The following DYNC2I2 variants were observed in gnomAD, a reference collection of about 807,000 sequenced individuals.
DYNC2I2 encodes the protein cytoplasmic dynein 2 intermediate chain 2.
Under a neutral mutation model 52.0 loss-of-function variants are expected in DYNC2I2, and 39 were observed. That is an observed-to-expected ratio of 0.75 (90% CI 0.58 to 0.98). The LOEUF (loss-of-function observed/expected upper bound fraction) is 0.98, where lower values mean the gene tolerates loss of function less well. DYNC2I2 is among the 50% of genes least tolerant of loss of function. DYNC2I2 has a pLI of 0.00. For synonymous variants in DYNC2I2, 359 were observed against 321.1 expected (o/e 1.12, Z -1.26); for missense variants, 743 against 728.4 (o/e 1.02, Z -0.23).
At chr9:128,669,339 T>G in the DYNC2I2 span, among the ~76,000 whole-genome samples, 4 of 152,058 alleles carry the variant, frequency 2.6e-5, no homozygotes, top group East Asian at 7.8e-4. Context: ...CACTCCAGCC[T>G]GGGCGACAGA....
chr9:128,655,616 G>GAAAA (rs1471051785), intron 1 of DYNC2I2, among the ~76,000 whole-genome samples: 1 of 110,436 alleles, frequency 9.1e-6, no homozygotes, highest in African/African-American at 3.5e-5. Flanking sequence ...TCAAAAAAAA[G>GAAAA]AAAAAAAAGA....
chr9:128,677,031 G>C, the DYNC2I2 span, among the ~76,000 whole-genome samples: 1 of 151,534 alleles, frequency 6.6e-6, no homozygotes. Context: ...TGTATTTTTA[G>C]TAGAGATGGG....
At chr9:128,650,526 CAT>C (rs57194999) in intron 1 of DYNC2I2, among the ~76,000 whole-genome samples, 4,600 of 41,328 alleles carry the variant, frequency 0.11, 1,539 homozygotes, top group African/African-American at 0.23. Context: ...GGCCAAAGAC[CAT>C]ATATATATAT....
At chr9:128,668,122 A>G in the DYNC2I2 span, among the ~76,000 whole-genome samples, 55 of 151,676 alleles carry the variant, frequency 3.6e-4, 1 homozygote, top group African/African-American at 9.5e-4. Context: ...CACTATGCCC[A>G]GCTAATTTTT....
chr9:128,677,648 A>T, the DYNC2I2 span, among the ~76,000 whole-genome samples: 1 of 151,870 alleles, frequency 6.6e-6, no homozygotes, highest in Non-Finnish European at 1.5e-5. Flanking sequence ...AAAAAAAAAA[A>T]ATACAAAAAT....
In DYNC2I2 at chr9:128,635,127, T is replaced by C. The variant is rs1415152422; in HGVS notation, c.946A>G (p.Met316Val). 2.5e-6 allele frequency: 4 copies of C among 1,613,138 alleles called. No individual in the cohort carries two copies. The highest frequency in any genetic ancestry group is 3.4e-6 in the Non-Finnish European group (4 of 1,179,858). ...LQLTEGFALV[M>V]QQLPRSTKLK... ...TTGGTGCTCCGTGGCAGCTGCTGCA[T>C]GACCAGGGCGAAGCCCTCTGTGAGC... is the stretch of plus-strand genomic sequence containing the variant. Residue 316 changes from methionine (M) to valine (V), a missense_variant, in exon 6 of 9, where the codon ATG becomes GTG. Met to Val is a conservative substitution (Grantham distance 21). Coordinates refer to ENST00000372715, the MANE Select transcript of DYNC2I2 (RefSeq NM_052844.4).
chr9:128,642,157 A>G (rs1481694573), intron 1 of DYNC2I2, among the ~76,000 whole-genome samples: 1 of 151,378 alleles, frequency 6.6e-6, no homozygotes, highest in Non-Finnish European at 1.5e-5. Flanking sequence ...CATAGTGGCG[A>G]GCATCTGTAG....
At chr9:128,639,285 C>T (rs188235443) in intron 2 of DYNC2I2, among the ~76,000 whole-genome samples, 2 of 152,150 alleles carry the variant, frequency 1.3e-5, no homozygotes, top group African/African-American at 2.4e-5. Context: ...GTAATCCCAG[C>T]TGCTCAGGAG....
Position 128,633,924 on chromosome 9 carries a change from CTTGATCAAAACTGTGGGTTTCT to C in DYNC2I2, c.1409_1430del (p.Gln470ArgfsTer31), listed in dbSNP as rs1860259522. 1 of 1,613,088 alleles carries C rather than the reference CTTGATCAAAACTGTGGGTTTCT, an allele frequency of 6.2e-7. No homozygotes were observed. The highest frequency in any genetic ancestry group is 1.3e-5 in the African/African-American group (1 of 74,924). On this transcript the variant is annotated frameshift_variant, in exon 9 of 9. Transcript: ENST00000372715. LOFTEE classifies it high-confidence loss of function. ...AGACAGGGCTTTCATCCTGGGTTTGCTTGATCAAAACTGTGGGTTTCTGGGAGCTTTTCTGGAGATCAAACAG... is the reference window on the plus strand; with the variant it reads ...AGACAGGGCTTTCATCCTGGGTTTGCGGGAGCTTTTCTGGAGATCAAACAG...
chr9:128,664,278 C>T, the DYNC2I2 span, among the ~76,000 whole-genome samples: 1 of 151,140 alleles, frequency 6.6e-6, no homozygotes, highest in South Asian at 2.1e-4. Context: ...CCCCGATGGT[C>T]ACAATGCCTC....
At chr9:128,667,840 C>A in the DYNC2I2 span, among the ~76,000 whole-genome samples, 1 of 143,246 alleles carries the variant, frequency 7.0e-6, no homozygotes, top group African/African-American at 2.7e-5. Flanking sequence ...TCAAGCGATT[C>A]TCCTGCCTCA....
the DYNC2I2 span, chr9:128,683,967 G>A: frequency 1.8e-5 from 28 of 1,557,012 alleles, no homozygotes; most frequent in East Asian, 1.5e-4. Context: ...CTCTGGGACC[G>A]GAGGAGACAT....
chr9:128,656,773 C>T lies in DYNC2I2; in HGVS notation c.-47G>A. The stretch of plus-strand genomic sequence containing the variant: ...TGCGGACGCACTCAGGCGCGACCTC[C>T]GCCCCTACGCCGCCATGAGCGGAAA... On this transcript the variant is annotated 5_prime_UTR_variant, in exon 1 of 9. Coordinates refer to ENST00000372715, the MANE Select transcript of DYNC2I2 (RefSeq NM_052844.4). 7.6e-7 allele frequency: 1 copy of T among 1,309,542 alleles called. No homozygotes were observed. The allele number at this position is 1,309,542 out of a possible 1,614,324, so 81.1% of individuals were successfully genotyped here. A position where few individuals can be genotyped will look rare whatever the true frequency, so the allele number is the denominator to read the frequency against.
the DYNC2I2 span, among the ~76,000 whole-genome samples, chr9:128,664,503 T>C: frequency 6.6e-6 from 1 of 151,926 alleles, no homozygotes; most frequent in Admixed American, 6.6e-5. Context: ...TTTTTTTTTT[T>C]AGACAGAGTC....
the DYNC2I2 span, among the ~76,000 whole-genome samples, chr9:128,682,905 T>C: frequency 6.6e-6 from 1 of 151,234 alleles, no homozygotes; most frequent in Non-Finnish European, 1.5e-5. Context: ...CTCGATTTCC[T>C]GACCTCGTGA....
At chr9:128,668,206 G>A in the DYNC2I2 span, among the ~76,000 whole-genome samples, 7 of 151,782 alleles carry the variant, frequency 4.6e-5, no homozygotes, top group Admixed American at 1.3e-4. Flanking sequence ...TGATCCGCCC[G>A]CCTTGGCCTC....
Position 128,637,037 on chromosome 9 carries a change from C to T in DYNC2I2, c.436-10G>A, listed in dbSNP as rs767663081. On this transcript the variant is annotated splice_polypyrimidine_tract_variant and intron_variant, in intron 2 of 8. Coordinates refer to ENST00000372715, the MANE Select transcript of DYNC2I2 (RefSeq NM_052844.4). ...TATACAGACAAGACACCTGCGGAGA[C>T]GTCCCCAACCCTGAGTCCAAAGCCA... 1.2e-5 allele frequency: 20 copies of T among 1,607,890 alleles called. No homozygotes were observed. The highest frequency in any genetic ancestry group is 1.3e-5 in the Non-Finnish European group (15 of 1,176,178).
In DYNC2I2 at chr9:128,640,678, G is replaced by A. The variant is rs1050760704; in HGVS notation, c.435+13C>T. ...AGGGGCTCGACCCGAGGCTGCACCA[G>A]CCCATCCCCTACCATCTGCTGCTGC... On this transcript the variant is annotated intron_variant, in intron 2 of 8. Coordinates refer to ENST00000372715, the MANE Select transcript of DYNC2I2 (RefSeq NM_052844.4). 2.0e-5 allele frequency: 32 copies of A among 1,611,676 alleles called. No homozygotes were observed. The highest frequency in any genetic ancestry group is 2.5e-5 in the Non-Finnish European group (30 of 1,178,298).
chr9:128,663,435 G>C, the DYNC2I2 span: 1 of 145,280 alleles, frequency 6.9e-6, no homozygotes, highest in African/African-American at 2.6e-5. Context: ...AAGTGAGTGT[G>C]AGCTCCATGG....
Sources: allele counts gnomAD v4.1 joint callset (sites outside exome capture counted in the v4.1 genomes callset), GRCh38; gene constraint gnomAD v4.1.1; transcripts MANE v1.5; gene names NCBI Gene and HGNC (gene_info 2026-07-23, HGNC 2026-07-21).